GXYLT2: variants seen among roughly 807,000 people sequenced by gnomAD.
The protein encoded by GXYLT2 is glucoside xylosyltransferase 2.
A neutral mutation model predicts 45.8 loss-of-function variants in GXYLT2; 53 were observed. That is an observed-to-expected ratio of 1.16 (90% confidence interval 0.93 to 1.46). The LOEUF (loss-of-function observed/expected upper bound fraction) is 1.46. Among genes scored for constraint, GXYLT2 ranks in the 40% most tolerant of loss-of-function variants. The pLI is 0.00. For synonymous variants in GXYLT2, 219 were observed against 214.2 expected (o/e 1.02, Z -0.19); for missense variants, 551 against 544.4 (o/e 1.01, Z -0.12).
At chr3:72,909,419 A>G (rs961806745) in intron 2 of GXYLT2, among the ~76,000 whole-genome samples, 1 of 151,804 alleles carries the variant, frequency 6.6e-6, no homozygotes, top group Non-Finnish European at 1.5e-5. Context: ...GTACATATAG[A>G]CATGCATATG....
intron 4 of GXYLT2, among the ~76,000 whole-genome samples, chr3:72,956,148 G>A (rs1232258161): frequency 1.3e-5 from 2 of 152,126 alleles, no homozygotes; most frequent in Non-Finnish European, 2.9e-5. Context: ...CTACTTGGGA[G>A]GCTGAGATGG....
chr3:72,950,429 C>G (rs979997876), intron 3 of GXYLT2, among the ~76,000 whole-genome samples: 3 of 152,038 alleles, frequency 2.0e-5, no homozygotes, highest in Non-Finnish European at 2.9e-5. Context: ...CCATTGCACT[C>G]CAGCCCAGGC....
chr3:72,929,365 G>GAAA, intron 3 of GXYLT2: 1 of 1,037,580 alleles, frequency 9.6e-7, no homozygotes, highest in Non-Finnish European at 1.5e-6. Flanking sequence ...TACATTTGGG[G>GAAA]AAAAAAAAAT....
intron 3 of GXYLT2, among the ~76,000 whole-genome samples, chr3:72,934,351 G>A (rs1457595979): frequency 6.6e-6 from 1 of 152,016 alleles, no homozygotes; most frequent in Non-Finnish European, 1.5e-5. Flanking sequence ...CTCCCAAAGT[G>A]CTGGGATTAT....
At chr3:72,940,033 C>G (rs1033607050) in intron 3 of GXYLT2, among the ~76,000 whole-genome samples, 1 of 152,016 alleles carries the variant, frequency 6.6e-6, no homozygotes, top group African/African-American at 2.4e-5. Flanking sequence ...TGGCTCACAC[C>G]TTTAATCCCA....
chr3:72,932,115 C>A (rs913384743), intron 3 of GXYLT2, among the ~76,000 whole-genome samples: 3 of 150,806 alleles, frequency 2.0e-5, no homozygotes, highest in Non-Finnish European at 4.4e-5. Context: ...TGCAATGGCA[C>A]GATCTTGGCT....
intron 3 of GXYLT2, among the ~76,000 whole-genome samples, chr3:72,933,276 T>A (rs1385081081): frequency 2.0e-5 from 3 of 152,226 alleles, no homozygotes; most frequent in Non-Finnish European, 4.4e-5. Flanking sequence ...TCCCAGCAGG[T>A]AACGCTCCTA....
At chr3:72,912,695 A>G (rs991197161) in intron 2 of GXYLT2, among the ~76,000 whole-genome samples, 7 of 152,122 alleles carry the variant, frequency 4.6e-5, no homozygotes, top group African/African-American at 7.2e-5. Flanking sequence ...GCCAGCCCCA[A>G]CGTCTAGACA....
intron 3 of GXYLT2, among the ~76,000 whole-genome samples, chr3:72,941,694 G>A (rs2107125647): frequency 6.6e-6 from 1 of 152,142 alleles, no homozygotes; most frequent in East Asian, 1.9e-4. Flanking sequence ...CCTGAGATCA[G>A]TGTCAATGTG....
At chr3:72,959,721 G>C (rs1487224677) in intron 5 of GXYLT2, among the ~76,000 whole-genome samples, 1 of 151,442 alleles carries the variant, frequency 6.6e-6, no homozygotes, top group Admixed American at 6.6e-5. Context: ...TGCAATCTCT[G>C]CCCCCCAGGT....
rs1270983553 is a variant in GXYLT2, at chr3:72,895,364, G to C, written c.275+6856G>C. The stretch of plus-strand genomic sequence containing the variant: ...CCTTTTCTAGATTCTGTGATGTAAT[G>C]AGTTCCCCTTTTTTTCTTAATCTAG... On this transcript the variant is annotated intron_variant, in intron 1 of 6. Transcript: ENST00000389617. Among the ~76,000 whole-genome samples the C allele has an allele frequency of 3.3e-5, 5 of 152,118 alleles. No individual in the cohort carries two copies. The East Asian group carries it at 9.6e-4, about 29-fold the overall frequency.
At chr3:72,896,087 A>T (rs1709286377) in intron 1 of GXYLT2, among the ~76,000 whole-genome samples, 2 of 152,244 alleles carry the variant, frequency 1.3e-5, no homozygotes, top group African/African-American at 4.8e-5. Context: ...TACTATTATT[A>T]TCCATCATTG....
At chr3:72,933,510 T>G (rs1306917447) in intron 3 of GXYLT2, among the ~76,000 whole-genome samples, 1 of 152,212 alleles carries the variant, frequency 6.6e-6, no homozygotes, top group Non-Finnish European at 1.5e-5. Flanking sequence ...AAAGTGATCA[T>G]ATATGATGTT....
At chr3:72,909,062 CTTTTTTTTTTTTTTTT>C (rs71126804) in intron 2 of GXYLT2, among the ~76,000 whole-genome samples, 1 of 91,120 alleles carries the variant, frequency 1.1e-5, no homozygotes, top group Non-Finnish European at 2.1e-5. Context: ...TTCTTCCTTT[CTTTTTTTTTTTTTTTT>C]TTTTTTTTGA....
chr3:72,968,707 C>T (rs2107156898), intron 6 of GXYLT2, among the ~76,000 whole-genome samples: 1 of 152,286 alleles, frequency 6.6e-6, no homozygotes, highest in East Asian at 1.9e-4. Context: ...GCAGGTGGAT[C>T]ACGAGGTCAG....
intron 5 of GXYLT2, among the ~76,000 whole-genome samples, chr3:72,959,078 G>C (rs959684415): frequency 6.2e-5 from 9 of 144,664 alleles, no homozygotes; most frequent in East Asian, 2.1e-4. Context: ...AAGTAGCTGG[G>C]ACTATAGGTG....
rs142556045 is a variant in GXYLT2, at chr3:72,943,632, C to T, written c.601-11466C>T. On this transcript the variant is annotated intron_variant, in intron 3 of 6. Transcript: ENST00000389617. ...CCTCAAGTGATCCTCCTGCCTTGGC[C>T]TCCCAAAGTGCTGGGATTACAGGCG... Among the ~76,000 whole-genome samples the T allele has an allele frequency of 3.7e-3, 558 of 152,240 alleles. 7 individuals carry two copies. The highest frequency in any genetic ancestry group is 0.011 in the African/African-American group (477 of 41,554).
chr3:72,919,910 GAATT>G (rs1390375351), intron 2 of GXYLT2, among the ~76,000 whole-genome samples: 2 of 152,238 alleles, frequency 1.3e-5, no homozygotes, highest in African/African-American at 4.8e-5. Flanking sequence ...ACAACAGAAA[GAATT>G]AACACTAATG....
chr3:72,908,256 G>C, intron 1 of GXYLT2, 111 bp from the exon 2 acceptor site: 5 of 689,762 alleles, frequency 7.2e-6, no homozygotes, highest in Non-Finnish European at 1.2e-5. Flanking sequence ...AAATATAACA[G>C]ATTGTGCCTG....
Sources: allele counts gnomAD v4.1 joint callset (sites outside exome capture counted in the v4.1 genomes callset), GRCh38; gene constraint gnomAD v4.1.1; transcripts MANE v1.5; gene names NCBI Gene and HGNC (gene_info 2026-07-23, HGNC 2026-07-21).